SYNE2: variants seen among roughly 807,000 people sequenced by gnomAD.
The protein encoded by SYNE2 is nesprin-2.
In SYNE2, 431 loss-of-function variants were observed where a neutral mutation model predicts 856.3. That is an observed-to-expected ratio of 0.50 (90% confidence interval 0.47 to 0.55). The LOEUF is 0.55. Among genes scored for constraint, SYNE2 ranks in the 20% least tolerant of loss-of-function variants. The pLI is 0.00. For missense variants in SYNE2, 8,129 were observed against 8,023.2 expected (o/e 1.01, Z -0.50); for synonymous variants, 2,923 against 2,872.3 (o/e 1.02, Z -0.56).
chr14:63,779,541 G>A (rs1887233475), intron 1 of SYNE2, among the ~76,000 whole-genome samples: 1 of 151,472 alleles, frequency 6.6e-6, no homozygotes, highest in African/African-American at 2.4e-5. Context: ...TGTAAGATCA[G>A]GAACAAGCCA....
intron 1 of SYNE2, among the ~76,000 whole-genome samples, chr14:63,776,360 A>G (rs1887104039): frequency 6.6e-6 from 1 of 152,186 alleles, no homozygotes; most frequent in African/African-American, 2.4e-5. Context: ...AATAGCACAC[A>G]TTTCTCAGCA....
At chr14:64,102,317 A>G (rs561646619) in intron 64 of SYNE2, among the ~76,000 whole-genome samples, 2 of 152,218 alleles carry the variant, frequency 1.3e-5, no homozygotes, top group South Asian at 2.1e-4. Context: ...GGGTTTCGCC[A>G]TGTTGCCTGA....
Position 63,943,954 on chromosome 14 carries a change from C to CCAG in SYNE2, c.408+1814_408+1816dup, listed in dbSNP as rs2095971661. ...AAAGTGCTGGGATTACAGGTGTGAG[C>CCAG]CAGCACGCCTGGCCTGTGTTTTATT... is the stretch of plus-strand genomic sequence containing the variant. On this transcript the variant is annotated intron_variant, in intron 6 of 115. Transcript: ENST00000555002. Among the ~76,000 whole-genome samples the CCAG allele has an allele frequency of 2.6e-5, 4 of 152,096 alleles. No homozygotes were observed. In the South Asian group the frequency reaches 8.3e-4, roughly 32 times the overall value.
intron 95 of SYNE2, among the ~76,000 whole-genome samples, chr14:64,176,714 A>G (rs1348788390): frequency 6.6e-6 from 1 of 152,192 alleles, no homozygotes; most frequent in Non-Finnish European, 1.5e-5. Context: ...AACTTTTCCA[A>G]AATTAAAGTA....
intron 11 of SYNE2, among the ~76,000 whole-genome samples, chr14:63,974,866 G>C (rs2096523685): frequency 4.3e-5 from 1 of 23,460 alleles, no homozygotes; most frequent in Non-Finnish European, 6.7e-5. Context: ...GTGTGTGTGT[G>C]TGTGTGTGTG....
chr14:64,183,490 C>G (rs550079396), intron 96 of SYNE2, among the ~76,000 whole-genome samples: 2 of 152,086 alleles, frequency 1.3e-5, no homozygotes, highest in East Asian at 3.9e-4. Flanking sequence ...CAGGCAGAGA[C>G]GCTCCTCACT....
intron 66 of SYNE2, 78 bp from the exon 67 acceptor site, chr14:64,119,349 G>A (rs1016205712): frequency 2.6e-6 from 4 of 1,567,938 alleles, no homozygotes; most frequent in Admixed American, 3.4e-5. Context: ...AGTAAAAAGA[G>A]TAAGTCTTAA....
At chr14:64,045,945 A>C (rs2097183163) in intron 45 of SYNE2, among the ~76,000 whole-genome samples, 1 of 152,190 alleles carries the variant, frequency 6.6e-6, no homozygotes, top group African/African-American at 2.4e-5. Flanking sequence ...TTACATTACT[A>C]TCTAGACAGT....
chr14:63,921,751 G>A (rs937059292), intron 2 of SYNE2, among the ~76,000 whole-genome samples: 16 of 152,192 alleles, frequency 1.1e-4, no homozygotes, highest in Non-Finnish European at 1.6e-4. Flanking sequence ...CCAGTTTATA[G>A]TGGGTTGAGA....
chr14:63,985,852 T>G (rs893481614), intron 18 of SYNE2, among the ~76,000 whole-genome samples: 1 of 151,930 alleles, frequency 6.6e-6, no homozygotes, highest in Non-Finnish European at 1.5e-5. Flanking sequence ...CTACAAAATA[T>G]AAAAACTTAG....
Position 64,007,108 on chromosome 14 carries a change from A to C in SYNE2, c.4463A>C (p.Gln1488Pro). Residue 1488 changes from glutamine to proline, a missense_variant, in exon 31 of 116, where the codon CAA becomes CCA. This residue lies in a region of SYNE2 where 2,422 missense variants were observed against 2,357.4 expected (regional missense o/e 1.03). Transcript: ENST00000555002. ...TATGAAGAAGAGAAGAGACATTTACAAGAAATGGCTAATTCTCTTCCACAC... is the reference window on the plus strand; with the variant it reads ...TATGAAGAAGAGAAGAGACATTTACCAGAAATGGCTAATTCTCTTCCACAC... ...DEYEEEKRHL[Q>P]EMANSLPHFK... 2 of 1,613,402 alleles carry C rather than the reference A, an allele frequency of 1.2e-6. No individual in the cohort carries two copies. The highest frequency in any genetic ancestry group is 1.7e-6 in the Non-Finnish European group (2 of 1,179,316).
chr14:64,042,241 T>A (rs1371742050), intron 45 of SYNE2, among the ~76,000 whole-genome samples: 1 of 152,242 alleles, frequency 6.6e-6, no homozygotes, highest in East Asian at 1.9e-4. Context: ...CATCCATGAT[T>A]CTATTTCAGT....
At chr14:63,985,094 C>T (rs1046403510) in intron 18 of SYNE2, among the ~76,000 whole-genome samples, 1 of 152,138 alleles carries the variant, frequency 6.6e-6, no homozygotes, top group African/African-American at 2.4e-5. Flanking sequence ...CTTTGGAAGG[C>T]CAAGGCAGGC....
intron 54 of SYNE2, among the ~76,000 whole-genome samples, chr14:64,078,129 T>A (rs2097484270): frequency 1.3e-5 from 2 of 152,220 alleles, no homozygotes; most frequent in South Asian, 4.1e-4. Context: ...TTTATATCAT[T>A]TGATCCATAT....
chr14:64,065,637 T>C lies in SYNE2; in HGVS notation c.10418T>C (p.Phe3473Ser). ...WCEELKQEWK[F>S]VSEEIEREAI... ...GAAGAACTGAAGCAGGAATGGAAAT[T>C]TGTCAGTGAAGAAGTGAGTGCTTCA... The change falls in exon 51 of 116, where the codon TTT becomes TCT. Residue 3473 changes from phenylalanine (F) to serine (S), a missense_variant. Physicochemically the swap from Phe to Ser is radical, Grantham distance 155. Coordinates refer to ENST00000555002, the MANE Select transcript of SYNE2 (RefSeq NM_182914.3). 6.2e-7 allele frequency: 1 copy of C among 1,614,148 alleles called. No individual in the cohort carries two copies.
chr14:64,168,785 T>G, intron 92 of SYNE2, 92 bp from the exon 93 acceptor site: 1 of 903,238 alleles, frequency 1.1e-6, no homozygotes, highest in Non-Finnish European at 1.8e-6. Flanking sequence ...CTCATATCCT[T>G]TGTAAGCTTA....
intron 96 of SYNE2, among the ~76,000 whole-genome samples, chr14:64,180,254 T>C (rs568952654): frequency 6.6e-6 from 1 of 152,338 alleles, no homozygotes; most frequent in Non-Finnish European, 1.5e-5. Context: ...CACATCTTTA[T>C]TTCAGGTGTG....
At chr14:63,845,992 C>T (rs1480348579) in intron 1 of SYNE2, among the ~76,000 whole-genome samples, 2 of 151,440 alleles carry the variant, frequency 1.3e-5, no homozygotes, top group South Asian at 2.1e-4. Flanking sequence ...GATCCACCCA[C>T]CTTGGCCTCC....
chr14:64,075,015 T>A (rs565824967), intron 53 of SYNE2, among the ~76,000 whole-genome samples: 7 of 152,332 alleles, frequency 4.6e-5, no homozygotes, highest in African/African-American at 1.7e-4. Flanking sequence ...TAGGTGTAGA[T>A]AAAACGGGAT....
Sources: gnomAD v4.1 joint callset for allele counts (sites outside exome capture counted in the v4.1 genomes callset) on GRCh38, gnomAD v4.1.1 for gene constraint, gnomAD v4.1.1 regional missense constraint, MANE v1.5 for transcripts, NCBI Gene and HGNC (gene_info 2026-07-23, HGNC 2026-07-21) for gene names.